Variants in STRA6 observed in about 807,000 individuals in gnomAD.
STRA6 encodes the protein receptor for retinol uptake STRA6.
STRA6 carries 48 observed loss-of-function variants against 83.6 expected under a neutral mutation model. The ratio of observed to expected loss-of-function variants is 0.57; its 90% CI spans 0.46 to 0.73. The LOEUF is 0.73. Ranked by LOEUF, STRA6 falls within the 30% of genes least tolerant of loss-of-function variation. The pLI is 0.00. For missense variants in STRA6, 760 were observed against 838.8 expected (o/e 0.91, Z 1.16); for synonymous variants, 353 against 362.3 (o/e 0.97, Z 0.29).
chr15:74,183,582 G>A, intron 14 of STRA6: 1 of 1,305,610 alleles, frequency 7.7e-7, no homozygotes, highest in Non-Finnish European at 9.8e-7. Context: ...TCCAGACCTG[G>A]GTCCACCCCC....
intron 10 of STRA6, 37 bp from the exon 11 acceptor site, chr15:74,190,938 C>T: frequency 1.2e-6 from 2 of 1,613,548 alleles, no homozygotes; most frequent in South Asian, 2.2e-5. Flanking sequence ...GTGAACAGCA[C>T]CACTCAGGCC....
At position 74,195,372 on chromosome 15, in the gene STRA6, C is replaced by T; in HGVS notation, c.527G>A (p.Gly176Asp). The T allele has an allele frequency of 6.2e-7, 1 of 1,613,550 alleles. No individual in the cohort carries two copies. Among genetic ancestry groups the T allele is most frequent in the Non-Finnish European group, 8.5e-7 (1 of 1,179,996 alleles). ...TAGHTAAHLL[G>D]STLSWAHLGV... ...AAGGTGGGCCCAGGACAGCGTGCTG[C>T]CGAGCAGGTGTGCAGCTGTGTGGCC... is the stretch of plus-strand genomic sequence containing the variant. The change falls in exon 7 of 19, where the codon GGC becomes GAC. Residue 176 changes from glycine to aspartate, a missense_variant. Physicochemically the swap from Gly to Asp is moderately conservative, Grantham distance 94 (BLOSUM62 -1). Coordinates refer to ENST00000395105, the MANE Select transcript of STRA6 (RefSeq NM_022369.4).
chr15:74,192,065 C>A (rs755153329), intron 8 of STRA6: 10 of 167,754 alleles, frequency 6.0e-5, no homozygotes, highest in Non-Finnish European at 1.3e-4. Context: ...TGGGAGAACA[C>A]AGGCTGTTGT....
chr15:74,201,922 G>T (rs2074085131), intron 2 of STRA6, among the ~76,000 whole-genome samples: 1 of 152,152 alleles, frequency 6.6e-6, no homozygotes, highest in African/African-American at 2.4e-5. Context: ...TACCTAAGGT[G>T]ACCAGCCTTA....
At chr15:74,204,453 C>T (rs1362703715), upstream of STRA6, among the ~76,000 whole-genome samples, 3 of 152,218 alleles carry the variant, frequency 2.0e-5, no homozygotes, top group South Asian at 2.1e-4. Context: ...CCAGAGTCCC[C>T]GTGCCCACAC....
Position 74,195,319 on chromosome 15 carries a change from A to G in STRA6, c.580T>C (p.Cys194Arg), listed in dbSNP as rs974797358. The G allele has an allele frequency of 1.2e-6, 2 of 1,612,684 alleles. No homozygotes were observed. Among genetic ancestry groups the G allele is most frequent in the Non-Finnish European group, 1.7e-6 (2 of 1,179,894 alleles). ...GCGGTTACCTTGGGCACCTGGGGAC[A>G]CTCTGCCCTCTGCCAGACCTGGACC... Reference protein sequence around the residue: ...LGVQVWQRAECPQVPKIYKYY... With the variant: ...LGVQVWQRAERPQVPKIYKYY... Residue 194 changes from cysteine to arginine, a missense_variant, in exon 7 of 19, where the codon TGT becomes CGT. By Grantham distance (180) the Cys-to-Arg change is radical (BLOSUM62 -3). Transcript: ENST00000395105.
intron 12 of STRA6, among the ~76,000 whole-genome samples, chr15:74,186,080 G>T (rs1282374749): frequency 6.6e-6 from 1 of 152,176 alleles, no homozygotes; most frequent in Non-Finnish European, 1.5e-5. Context: ...ATCACCTGGA[G>T]CTGCTAAAAC....
At position 74,197,349 on chromosome 15, in the gene STRA6, G is replaced by A. The variant is rs940000009; in HGVS notation, c.255C>T (p.Pro85=). The A allele has an allele frequency of 2.1e-5, 32 of 1,549,914 alleles. No homozygotes were observed. Among genetic ancestry groups the A allele is most frequent in the South Asian group, 1.1e-4 (9 of 84,032 alleles). Residue 85 remains proline (P), a synonymous_variant, in exon 4 of 19, where the codon CCC becomes CCT. Transcript: ENST00000395105. ...QLWPDCVRGR[P]GLPSPVDFLA... is the part of the protein sequence containing the mutation. Reference sequence around the variant, plus strand: ...GCCATGGTACAAACCTGGGCAGGCCGGGCCTGCCACGCACACAGTCAGGCC... The same window carrying A: ...GCCATGGTACAAACCTGGGCAGGCCAGGCCTGCCACGCACACAGTCAGGCC...
At chr15:74,189,300 G>T in intron 11 of STRA6, 23 bp from the exon 12 acceptor site, 1 of 1,575,828 alleles carries the variant, frequency 6.3e-7, no homozygotes, top group Non-Finnish European at 8.6e-7. Flanking sequence ...CACAGTGAGG[G>T]CCCCATCCCA....
chr15:74,200,941 G>A (rs1259166647), intron 2 of STRA6, among the ~76,000 whole-genome samples: 1 of 152,206 alleles, frequency 6.6e-6, no homozygotes, highest in Non-Finnish European at 1.5e-5. Flanking sequence ...CACAGCTTCA[G>A]ATTAGAGCCT....
At chr15:74,201,748 A>G (rs1373299625) in intron 2 of STRA6, among the ~76,000 whole-genome samples, 2 of 152,170 alleles carry the variant, frequency 1.3e-5, no homozygotes, top group East Asian at 3.9e-4. Context: ...ACTTGGAAAC[A>G]CCACACCCAA....
chr15:74,209,282 G>A, upstream of STRA6: 1 of 1,328,580 alleles, frequency 7.5e-7, no homozygotes, highest in Non-Finnish European at 1.0e-6. Context: ...CACCTCAGTG[G>A]AGAAGCCTGC....
chr15:74,208,665 GC>G, intron 1 of STRA6: 1 of 971,160 alleles, frequency 1.0e-6, no homozygotes, highest in Non-Finnish European at 1.2e-6. Context: ...AATTGCTCCA[GC>G]CCATCACTCT....
intron 16 of STRA6, 134 bp from the exon 17 acceptor site, chr15:74,181,592 C>T: frequency 8.0e-7 from 1 of 1,250,608 alleles, no homozygotes; most frequent in South Asian, 1.3e-5. Context: ...CTTCTGTGCA[C>T]CCCACCCTGG....
At chr15:74,193,671 C>G (rs759914624) in intron 8 of STRA6, 129 bp downstream of exon 8, 4 of 1,501,136 alleles carry the variant, frequency 2.7e-6, no homozygotes, top group Non-Finnish European at 3.7e-6. Flanking sequence ...ACTCAGCAAA[C>G]ATTTTCTGAG....
chr15:74,195,539 G>A (rs568020350), intron 6 of STRA6, 71 bp from the exon 7 acceptor site: 1 of 1,591,264 alleles, frequency 6.3e-7, no homozygotes, highest in Non-Finnish European at 8.5e-7. Flanking sequence ...AGCCCACCCA[G>A]GCCTCTCTTC....
At chr15:74,193,731 C>G (rs1193586016) in intron 8 of STRA6, 69 bp downstream of exon 8, 1 of 1,602,852 alleles carries the variant, frequency 6.2e-7, no homozygotes, top group East Asian at 2.2e-5. Context: ...GTATCTGGGA[C>G]CACAGATACG....
In STRA6 at chr15:74,179,902, G is replaced by C; in HGVS notation, c.*178C>G. On this transcript the variant is annotated 3_prime_UTR_variant, in exon 19 of 19. Coordinates refer to ENST00000395105, the MANE Select transcript of STRA6 (RefSeq NM_022369.4). ...TGGCTCTCCCATAGCCAAGTGGGTG[G>C]AGCAGAGCCCTCCTGAGGCTCCCAG... 1.2e-6 allele frequency: 1 copy of C among 808,224 alleles called. No homozygotes were observed. Among genetic ancestry groups the C allele is most frequent in the Non-Finnish European group, 1.9e-6 (1 of 516,638 alleles). 50.1% of individuals were successfully genotyped at this position (808,224 alleles called of 1,614,324 possible).
At chr15:74,197,695 C>T in intron 3 of STRA6, 57 bp downstream of exon 3, 1 of 1,598,702 alleles carries the variant, frequency 6.3e-7, no homozygotes, top group Non-Finnish European at 8.5e-7. Flanking sequence ...GAACACAGGT[C>T]CCACTGCCCA....
Sources: gnomAD v4.1 joint callset for allele counts (sites outside exome capture counted in the v4.1 genomes callset) on GRCh38, gnomAD v4.1.1 for gene constraint, MANE v1.5 for transcripts, NCBI Gene and HGNC (gene_info 2026-07-23, HGNC 2026-07-21) for gene names.